Variants in SHANK1 observed in about 807,000 individuals in gnomAD.
The protein encoded by SHANK1 is SH3 and multiple ankyrin repeat domains protein 1.
In SHANK1, 35 loss-of-function variants were observed where a neutral mutation model predicts 165.6. That is an observed-to-expected ratio of 0.21 (90% CI 0.16 to 0.28). The LOEUF is 0.28. Ranked by LOEUF, SHANK1 falls within the 10% of genes least tolerant of loss-of-function variation. SHANK1 has a pLI of 1.00. For missense variants in SHANK1, 2,681 were observed against 3,036.4 expected (o/e 0.88, Z 2.75); for synonymous variants, 1,428 against 1,384.8 (o/e 1.03, Z -0.69).
intron 8 of SHANK1, among the ~76,000 whole-genome samples, chr19:50,709,347 T>C (rs1326638051): frequency 2.0e-5 from 3 of 152,106 alleles, no homozygotes; most frequent in South Asian, 4.1e-4. Flanking sequence ...TTCAGCGTGT[T>C]AGCCAGGATG....
intron 21 of SHANK1, among the ~76,000 whole-genome samples, chr19:50,677,087 C>T (rs1410267203): frequency 2.0e-5 from 3 of 151,406 alleles, no homozygotes. Context: ...TCTTTAAGAC[C>T]ATGGAGGCTG....
Position 50,660,913 on chromosome 19 carries a change from C to G in SHANK1, c.*1052G>C, listed in dbSNP as rs531372931. 4.5e-5 allele frequency among the ~76,000 whole-genome samples: 5 copies of G among 111,514 alleles called. No homozygotes were observed. The East Asian group carries it at 9.8e-4, about 22-fold the overall frequency. 73.2% of individuals were successfully genotyped at this position (111,514 alleles called of 152,430 possible). A position where few individuals can be genotyped will look rare whatever the true frequency, so the allele number is the denominator to read the frequency against. ...GTGCAAAAGGCGTGACCAAAAGTGA[C>G]GGTGCAAAAGGGGCAAGAGGGAAGG... On this transcript the variant is annotated 3_prime_UTR_variant, in exon 24 of 24. Coordinates refer to ENST00000293441, the MANE Select transcript of SHANK1 (RefSeq NM_016148.5).
In SHANK1 at chr19:50,697,319, C is replaced by G. The variant is rs997254579; in HGVS notation, c.1938-197G>C. On this transcript the variant is annotated intron_variant, in intron 14 of 23. Coordinates refer to ENST00000293441, the MANE Select transcript of SHANK1 (RefSeq NM_016148.5). The surrounding 1 kb of genome is among the most constrained non-coding windows in gnomAD (Gnocchi z 4.7). ...GCCTCCAGCCAGCCAGACATAAGAG[C>G]GCCCCGGCCCCCCCAGGCATCCCCA... Among the ~76,000 whole-genome samples, 1 of 148,132 alleles carries G rather than the reference C, an allele frequency of 6.8e-6. No individual in the cohort carries two copies.
intron 9 of SHANK1, 116 bp from the exon 10 acceptor site, chr19:50,704,302 C>T: frequency 7.6e-7 from 1 of 1,315,568 alleles, no homozygotes; most frequent in Non-Finnish European, 1.1e-6. Flanking sequence ...CAATGCCGCC[C>T]TCTGTCTTCT....
At chr19:50,701,874 G>A (rs1986926629) in intron 12 of SHANK1, among the ~76,000 whole-genome samples, 1 of 152,174 alleles carries the variant, frequency 6.6e-6, no homozygotes, top group South Asian at 2.1e-4. Context: ...GATGAAGGTG[G>A]AAAAACCAAA....
At chr19:50,708,584 A>C (rs1043645567) in intron 8 of SHANK1, among the ~76,000 whole-genome samples, 10 of 151,998 alleles carry the variant, frequency 6.6e-5, no homozygotes, top group Non-Finnish European at 1.2e-4. Context: ...TAGGTGCTCA[A>C]GGAACGTGCA....
At chr19:50,701,946 T>G (rs1368680207) in intron 12 of SHANK1, among the ~76,000 whole-genome samples, 1 of 152,128 alleles carries the variant, frequency 6.6e-6, no homozygotes, top group Non-Finnish European at 1.5e-5. Context: ...CCAAACATCT[T>G]ATATCTGCCA....
At chr19:50,669,474 G>A (rs1045102891) in intron 22 of SHANK1, among the ~76,000 whole-genome samples, 189 bp from the exon 23 acceptor site, 1 of 152,112 alleles carries the variant, frequency 6.6e-6, no homozygotes, top group African/African-American at 2.4e-5. Context: ...AGAGGTACAG[G>A]TTGTGCACTG....
rs1007548404 is a variant in SHANK1 at position 50,662,799 on chromosome 19, GGGAGAGACGGA to G, written c.5769-128_5769-118del. ...AGAGGAGGAGAGACATAAGGGTAGGGGGAGAGACGGAGGAGAGACGGGAAGAAATGGAGGGA... is the reference window on the plus strand; with the variant it reads ...AGAGGAGGAGAGACATAAGGGTAGGGGGAGAGACGGGAAGAAATGGAGGGA... On this transcript the variant is annotated intron_variant, in intron 23 of 23. Coordinates refer to ENST00000293441, the MANE Select transcript of SHANK1 (RefSeq NM_016148.5). The surrounding 1 kb of genome is among the most constrained non-coding windows in gnomAD (Gnocchi z 7.7). 9 of 1,058,418 alleles carry G rather than the reference GGGAGAGACGGA, an allele frequency of 8.5e-6. No homozygotes were observed. The Admixed American group carries it at 1.3e-4, about 16-fold the overall frequency. 65.6% of individuals were successfully genotyped at this position (1,058,418 alleles called of 1,614,324 possible).
At position 50,661,803 on chromosome 19, in the gene SHANK1, G is replaced by A. The variant is rs1419003348; in HGVS notation, c.*162C>T. ...TCAGTGAGGTGCAAATGTCCGGCCTGGATTGGGCCACCTGGTGACCTCTGG... is the reference window on the plus strand; with the variant it reads ...TCAGTGAGGTGCAAATGTCCGGCCTAGATTGGGCCACCTGGTGACCTCTGG... On this transcript the variant is annotated 3_prime_UTR_variant, in exon 24 of 24. Transcript: ENST00000293441. 4 of 712,960 alleles carry A rather than the reference G, an allele frequency of 5.6e-6. No homozygotes were observed. The highest frequency in any genetic ancestry group is 9.4e-6 in the Non-Finnish European group (4 of 426,764). 44.2% of individuals were successfully genotyped at this position (712,960 alleles called of 1,614,324 possible).
rs550333565 is a variant in SHANK1 at position 50,712,703 on chromosome 19, C to T, written c.793-589G>A. 2.0e-5 allele frequency among the ~76,000 whole-genome samples: 3 copies of T among 152,302 alleles called. No homozygotes were observed. In the South Asian group the frequency reaches 6.2e-4, roughly 32 times the overall value. Reference sequence around the variant, plus strand: ...GAACATTAATAGGAGAAAGTCTTGGCAGCAACCTCGTGTGAGGACAGCCTG... The same window carrying T: ...GAACATTAATAGGAGAAAGTCTTGGTAGCAACCTCGTGTGAGGACAGCCTG... On this transcript the variant is annotated intron_variant, in intron 6 of 23. Transcript: ENST00000293441.
chr19:50,703,144 AGT>A (rs1337547420), intron 11 of SHANK1, among the ~76,000 whole-genome samples: 1 of 146,906 alleles, frequency 6.8e-6, no homozygotes, highest in African/African-American at 2.6e-5. Context: ...CTCCCTCCAG[AGT>A]GACCTCTCTG....
chr19:50,691,629 T>C (rs1986541909), intron 15 of SHANK1, among the ~76,000 whole-genome samples: 1 of 152,214 alleles, frequency 6.6e-6, no homozygotes, highest in African/African-American at 2.4e-5. Context: ...TGTCTTCTCA[T>C]AACCAGCCTC....
chr19:50,716,580 GGGA>G lies in SHANK1; in HGVS notation c.255+82_255+84del. ...GGAGCTGAGTGTGGGGGTGATTCCT[GGGA>G]GGATACCCAGCACCAGTGGACTCCC... is the stretch of plus-strand genomic sequence containing the variant. On this transcript the variant is annotated intron_variant, in intron 2 of 23. Coordinates refer to ENST00000293441, the MANE Select transcript of SHANK1 (RefSeq NM_016148.5). This position sits in a 1 kb window ranked among gnomAD's most constrained non-coding sequence, Gnocchi z 8.4. The G allele has an allele frequency of 2.6e-6, 4 of 1,558,864 alleles. No individual in the cohort carries two copies. Among genetic ancestry groups the G allele is most frequent in the Non-Finnish European group, 2.6e-6 (3 of 1,146,956 alleles).
intron 21 of SHANK1, among the ~76,000 whole-genome samples, chr19:50,678,387 G>C (rs912704758): frequency 1.1e-4 from 16 of 151,962 alleles, no homozygotes; most frequent in Admixed American, 3.9e-4. Context: ...GGGGAGGAAG[G>C]CAAGGGAAAC....
rs925773723 is a variant in SHANK1, at chr19:50,709,556, AT to A, written c.1077+1814del. Among the ~76,000 whole-genome samples the A allele has an allele frequency of 5.9e-3, 861 of 145,898 alleles. 8 individuals carry two copies. The highest frequency in any genetic ancestry group is 9.3e-3 in the Non-Finnish European group (614 of 65,976). On this transcript the variant is annotated intron_variant, in intron 8 of 23. Coordinates refer to ENST00000293441, the MANE Select transcript of SHANK1 (RefSeq NM_016148.5). ...AAACTCTGCCTGCTGTCTAATTCTA[AT>A]TTTTTTTTTTAAGGCAGGGTCTCAC...
intron 15 of SHANK1, among the ~76,000 whole-genome samples, chr19:50,692,978 C>G (rs910665918): frequency 3.3e-5 from 5 of 151,292 alleles, no homozygotes; most frequent in Non-Finnish European, 5.9e-5. Context: ...TTTGGCCTCA[C>G]CCTTCCCACA....
intron 15 of SHANK1, among the ~76,000 whole-genome samples, chr19:50,695,044 G>C (rs1986687874): frequency 6.8e-6 from 1 of 146,448 alleles, no homozygotes; most frequent in African/African-American, 2.5e-5. Context: ...AGCCATCGCC[G>C]CCGCGGCCCC....
intron 21 of SHANK1, among the ~76,000 whole-genome samples, chr19:50,680,949 C>T (rs747737856): frequency 3.9e-5 from 6 of 152,174 alleles, no homozygotes; most frequent in Non-Finnish European, 7.4e-5. Flanking sequence ...AGCCACCACG[C>T]CTGGCTGATA....
Sources: gnomAD v4.1 joint callset for allele counts (sites outside exome capture counted in the v4.1 genomes callset) on GRCh38, gnomAD v4.1.1 for gene constraint, Gnocchi (gnomAD v3.1) non-coding constraint, MANE v1.5 for transcripts, NCBI Gene and HGNC (gene_info 2026-07-23, HGNC 2026-07-21) for gene names.